Variants in MPDZ observed in about 807,000 individuals in gnomAD.
The protein encoded by MPDZ is multiple PDZ domain protein.
MPDZ carries 234 observed loss-of-function variants against 239.1 expected under a neutral mutation model. The observed-to-expected ratio is 0.98, with a 90% CI of 0.88 to 1.09. The LOEUF (loss-of-function observed/expected upper bound fraction) is 1.09. MPDZ is among the 50% of genes least tolerant of loss of function. The pLI, the probability that MPDZ is intolerant of heterozygous loss-of-function variation, is 0.00. For missense variants in MPDZ, 3,175 were observed against 2,510.0 expected, an observed-to-expected ratio of 1.26 and a Z score of -5.66; for synonymous variants, 1,048 against 881.3, an observed-to-expected ratio of 1.19 and a Z score of -3.35.
intron 4 of MPDZ, among the ~76,000 whole-genome samples, 195 bp from the exon 5 acceptor site, chr9:13,223,905 A>G (rs1383275375): frequency 6.6e-6 from 1 of 151,914 alleles, no homozygotes; most frequent in East Asian, 1.9e-4. Flanking sequence ...GTGGTGGCAC[A>G]CATCTATAGT....
chr9:13,204,408 C>T (rs534562699), intron 12 of MPDZ, among the ~76,000 whole-genome samples: 63 of 152,018 alleles, frequency 4.1e-4, no homozygotes, highest in Admixed American at 1.4e-3. Context: ...GCCAACATGG[C>T]GAAATCTGTC....
rs1944403419 is a variant in MPDZ at position 13,121,901 on chromosome 9, T to C, written c.5069A>G (p.His1690Arg). 3 of 1,613,612 alleles carry C rather than the reference T, an allele frequency of 1.9e-6. No individual in the cohort carries two copies. The highest frequency in any genetic ancestry group is 2.2e-5 in the East Asian group (1 of 44,874). The change falls in exon 38 of 47, where the codon CAT becomes CGT. Residue 1690 changes from histidine to arginine, a missense_variant. His to Arg is a conservative substitution (Grantham distance 29). Coordinates refer to ENST00000319217, the MANE Select transcript of MPDZ (RefSeq NM_001378778.1). ...TCTCAGGACATTGATTGCTTCATCA[T>C]GTGTGGCCTTTCTCAAGTCAATTCC... ...VNGIDLRKAT[H>R]DEAINVLRQT...
At chr9:13,138,196 TAC>T in intron 28 of MPDZ, 43 bp from the exon 29 acceptor site, 1 of 1,481,192 alleles carries the variant, frequency 6.8e-7, no homozygotes, top group Admixed American at 2.3e-5. Flanking sequence ...ACAGTTAATT[TAC>T]AGTCAAATGC....
rs182413185 is a variant in MPDZ at position 13,165,745 on chromosome 9, T to G, written c.3254+2621A>C. On this transcript the variant is annotated intron_variant, in intron 22 of 46. Coordinates refer to ENST00000319217, the MANE Select transcript of MPDZ (RefSeq NM_001378778.1). ...TCTGGCAGATGTTATAAGCAGCTGC[T>G]GCTAAGCACAAAACCCTGGCTATTA... Among the ~76,000 whole-genome samples the G allele has an allele frequency of 1.5e-3, 231 of 152,276 alleles. 2 individuals are homozygous for G. In the South Asian group the frequency reaches 0.026, roughly 17 times the overall value.
At chr9:13,197,680 G>T (rs1457841290) in intron 12 of MPDZ, among the ~76,000 whole-genome samples, 1 of 152,106 alleles carries the variant, frequency 6.6e-6, no homozygotes, top group Non-Finnish European at 1.5e-5. Context: ...CTACTGTGCT[G>T]TTGAACACTA....
At chr9:13,154,551 G>T (rs1949595761) in intron 24 of MPDZ, among the ~76,000 whole-genome samples, 1 of 152,066 alleles carries the variant, frequency 6.6e-6, no homozygotes, top group Non-Finnish European at 1.5e-5. Flanking sequence ...CAGCCAACAA[G>T]AGTCTCTACA....
At position 13,192,219 on chromosome 9, in the gene MPDZ, G is replaced by T. The variant is rs1955026824; in HGVS notation, c.1880C>A (p.Thr627Lys). The T allele has an allele frequency of 6.2e-7, 1 of 1,609,750 alleles. No individual in the cohort carries two copies. Among genetic ancestry groups the T allele is most frequent in the African/African-American group, 1.3e-5 (1 of 74,858 alleles). The change falls in exon 15 of 47, where the codon ACA becomes AAA. Residue 627 changes from threonine (T) to lysine (K), a missense_variant. Transcript: ENST00000319217. ...CACAGTTCGACGACAGCACACCATT[G>T]TCACTTCTATAGGCAGTTCTTTTAA... Reference protein sequence around the residue: ...NILKELPIEVTMVCCRRTVPP... With the variant: ...NILKELPIEVKMVCCRRTVPP...
chr9:13,163,184 C>G (rs776009454), intron 22 of MPDZ, among the ~76,000 whole-genome samples: 2 of 152,086 alleles, frequency 1.3e-5, no homozygotes, highest in Non-Finnish European at 2.9e-5. Context: ...TCTGGGATCT[C>G]TAGCAGAAAC....
At chr9:13,146,487 TAA>T (rs1204113771) in intron 26 of MPDZ, among the ~76,000 whole-genome samples, 1 of 152,086 alleles carries the variant, frequency 6.6e-6, no homozygotes, top group Non-Finnish European at 1.5e-5. Flanking sequence ...TTAAATATTT[TAA>T]GTTTTAGACG....
intron 22 of MPDZ, among the ~76,000 whole-genome samples, chr9:13,164,934 C>T (rs1026346441): frequency 6.6e-6 from 1 of 152,088 alleles, no homozygotes; most frequent in African/African-American, 2.4e-5. Flanking sequence ...CACTGAAATG[C>T]TTATTTGAGA....
At chr9:13,246,149 G>GTACT in intron 3 of MPDZ, among the ~76,000 whole-genome samples, 1 of 152,226 alleles carries the variant, frequency 6.6e-6, no homozygotes, top group East Asian at 1.9e-4. Flanking sequence ...CTGAAAACCA[G>GTACT]TACTGAAAAT....
chr9:13,227,451 G>C lies in MPDZ; in HGVS notation c.184-2868C>G, dbSNP rs75211256. Among the ~76,000 whole-genome samples the C allele has an allele frequency of 2.8e-3, 419 of 152,166 alleles. 2 individuals are homozygous for C. The highest frequency in any genetic ancestry group is 9.8e-3 in the African/African-American group (409 of 41,524). On this transcript the variant is annotated intron_variant, in intron 3 of 46. Transcript: ENST00000319217. The stretch of plus-strand genomic sequence containing the variant: ...AAGACACGCAGCTCAGGTTGAAGCA[G>C]ATGGCATAATGAAATTTGTGACAGC...
At chr9:13,137,602 A>G (rs757143722) in intron 29 of MPDZ, among the ~76,000 whole-genome samples, 4 of 152,112 alleles carry the variant, frequency 2.6e-5, no homozygotes, top group Non-Finnish European at 5.9e-5. Context: ...CAAGTTCCAG[A>G]ATGTCCAGTG....
intron 32 of MPDZ, among the ~76,000 whole-genome samples, chr9:13,128,495 C>T (rs1266683900): frequency 6.6e-6 from 1 of 152,190 alleles, no homozygotes; most frequent in East Asian, 1.9e-4. Flanking sequence ...TCGGCAATTG[C>T]ACAAGAGATT....
intron 21 of MPDZ, among the ~76,000 whole-genome samples, chr9:13,172,576 G>C (rs527918820): frequency 6.6e-6 from 1 of 152,040 alleles, no homozygotes; most frequent in East Asian, 1.9e-4. Context: ...CAGTAGAGAC[G>C]GGGTTTCGCC....
intron 32 of MPDZ, among the ~76,000 whole-genome samples, chr9:13,127,239 A>T (rs917508963): frequency 3.9e-5 from 6 of 152,096 alleles, no homozygotes; most frequent in Admixed American, 2.6e-4. Flanking sequence ...GTCTGCCATT[A>T]CTGATGCAGA....
intron 3 of MPDZ, among the ~76,000 whole-genome samples, chr9:13,237,724 G>C (rs141087856): frequency 6.6e-6 from 1 of 152,204 alleles, no homozygotes; most frequent in African/African-American, 2.4e-5. Flanking sequence ...TAAAATTTGA[G>C]CTTTCAAGTG....
chr9:13,268,575 G>A (rs546522543), intron 1 of MPDZ, among the ~76,000 whole-genome samples: 40 of 152,112 alleles, frequency 2.6e-4, no homozygotes, highest in Non-Finnish European at 3.8e-4. Flanking sequence ...GTAAAGTTCC[G>A]AGTACAGAGG....
chr9:13,222,697 T>G (rs989655630), intron 5 of MPDZ, among the ~76,000 whole-genome samples: 1 of 152,118 alleles, frequency 6.6e-6, no homozygotes, highest in Non-Finnish European at 1.5e-5. Context: ...AGCTACCTAC[T>G]CAGCCTACAT....
Sources: allele counts gnomAD v4.1 joint callset (sites outside exome capture counted in the v4.1 genomes callset), GRCh38; gene constraint gnomAD v4.1.1; transcripts MANE v1.5; gene names NCBI Gene and HGNC (gene_info 2026-07-23, HGNC 2026-07-21).